NDUFAF2: variants seen among roughly 807,000 people sequenced by gnomAD.
NDUFAF2 encodes the protein NADH dehydrogenase [ubiquinone] 1 alpha subcomplex assembly factor 2.
In NDUFAF2, 13 loss-of-function variants were observed where a neutral mutation model predicts 22.8. That is an observed-to-expected ratio of 0.57 (90% CI 0.37 to 0.91). The LOEUF (loss-of-function observed/expected upper bound fraction) is 0.91. Ranked by LOEUF, NDUFAF2 falls within the 40% of genes least tolerant of loss-of-function variation. The pLI, the probability that NDUFAF2 is intolerant of heterozygous loss-of-function variation, is 0.01. For missense variants in NDUFAF2, 162 were observed against 195.2 expected (o/e 0.83, Z 1.01); for synonymous variants, 53 against 64.2 (o/e 0.83, Z 0.84).
At chr5:60,999,693 A>T (rs1218243266) in intron 1 of NDUFAF2, among the ~76,000 whole-genome samples, 3 of 152,138 alleles carry the variant, frequency 2.0e-5, no homozygotes, top group Admixed American at 2.0e-4. Flanking sequence ...AAAATGGTAA[A>T]TTTTATGTTA....
chr5:60,960,870 C>T (rs534226568), intron 1 of NDUFAF2, among the ~76,000 whole-genome samples: 36 of 152,142 alleles, frequency 2.4e-4, no homozygotes, highest in African/African-American at 8.2e-4. Context: ...TGTGTTTACA[C>T]TTTTTTTCCC....
chr5:61,021,966 G>A (rs1006515109), intron 1 of NDUFAF2, among the ~76,000 whole-genome samples: 1 of 152,180 alleles, frequency 6.6e-6, no homozygotes, highest in African/African-American at 2.4e-5. Flanking sequence ...AAGATATTAT[G>A]TTGGCAAAAT....
chr5:61,002,590 C>G (rs1469155887), intron 1 of NDUFAF2, among the ~76,000 whole-genome samples: 1 of 152,150 alleles, frequency 6.6e-6, no homozygotes, highest in Admixed American at 6.6e-5. Context: ...TGCCTATTTT[C>G]CCTTTCAGAA....
chr5:60,999,313 C>T (rs1258863200), intron 1 of NDUFAF2, among the ~76,000 whole-genome samples: 1 of 151,974 alleles, frequency 6.6e-6, no homozygotes, highest in African/African-American at 2.4e-5. Context: ...AAAAAACAAC[C>T]CAATCATCTA....
chr5:61,031,188 G>A (rs1271632545), intron 1 of NDUFAF2, among the ~76,000 whole-genome samples: 2 of 151,846 alleles, frequency 1.3e-5, no homozygotes, highest in African/African-American at 2.4e-5. Context: ...ATTATACTTT[G>A]AGTTTTGGGA....
intron 1 of NDUFAF2, among the ~76,000 whole-genome samples, chr5:61,048,533 C>G (rs1273914110): frequency 6.6e-6 from 1 of 151,954 alleles, no homozygotes; most frequent in Non-Finnish European, 1.5e-5. Context: ...AGTAAATTTG[C>G]CTAAGGTTGG....
At chr5:61,122,051 A>C in intron 3 of NDUFAF2, among the ~76,000 whole-genome samples, 1 of 151,998 alleles carries the variant, frequency 6.6e-6, no homozygotes, top group Non-Finnish European at 1.5e-5. Context: ...GCTGGTCTCA[A>C]ACTCCTGGCC....
chr5:60,960,010 G>A (rs78179005), intron 1 of NDUFAF2, among the ~76,000 whole-genome samples: 10 of 152,210 alleles, frequency 6.6e-5, no homozygotes, highest in South Asian at 6.2e-4. Flanking sequence ...GTTCACAGTC[G>A]TACCTGTCAG....
chr5:61,118,387 TCTAC>T (rs1242980095), intron 3 of NDUFAF2, among the ~76,000 whole-genome samples: 1 of 152,218 alleles, frequency 6.6e-6, no homozygotes, highest in Admixed American at 6.5e-5. Context: ...AGTTTCTCTG[TCTAC>T]CTAGCTAGCT....
chr5:60,996,824 G>C (rs1751234775), intron 1 of NDUFAF2, among the ~76,000 whole-genome samples: 1 of 152,130 alleles, frequency 6.6e-6, no homozygotes, highest in Non-Finnish European at 1.5e-5. Context: ...ACTGAGTTCT[G>C]TGCCTTACAA....
chr5:61,125,115 T>C (rs746336546), intron 3 of NDUFAF2, among the ~76,000 whole-genome samples: 55 of 152,058 alleles, frequency 3.6e-4, no homozygotes, highest in African/African-American at 1.3e-3. Flanking sequence ...AGGATTACAA[T>C]TGAACATCAG....
rs931862999 is a variant in NDUFAF2 at position 60,983,993 on chromosome 5, T to C, written c.127+38611T>C. Among the ~76,000 whole-genome samples, 191 of 152,288 alleles carry C rather than the reference T, an allele frequency of 1.3e-3. 1 individual carries two copies. Among genetic ancestry groups the C allele is most frequent in the Non-Finnish European group, 2.1e-3 (142 of 68,022 alleles). On this transcript the variant is annotated intron_variant, in intron 1 of 3. Transcript: ENST00000296597. ...TGAATCTATAAATTACCTTGGGCAG[T>C]ATGGCCATTTTCACGATACTGATTC...
At chr5:60,967,792 C>T (rs1019657325) in intron 1 of NDUFAF2, among the ~76,000 whole-genome samples, 1 of 150,610 alleles carries the variant, frequency 6.6e-6, no homozygotes, top group Non-Finnish European at 1.5e-5. Flanking sequence ...GGAATATTGG[C>T]ATATAATTTT....
chr5:60,950,188 A>AT lies in NDUFAF2; in HGVS notation c.127+4816dup, dbSNP rs199824529. 1.1e-3 allele frequency among the ~76,000 whole-genome samples: 168 copies of AT among 148,214 alleles called. 1 individual carries two copies. The highest frequency in any genetic ancestry group is 2.8e-3 in the South Asian group (13 of 4,656). On this transcript the variant is annotated intron_variant, in intron 1 of 3. Transcript: ENST00000296597. ...TTAGAAGAAAAACATTTAATCTTTCATTTTTTTTTTCCCCAAAGGTGGAAT... is the reference window on the plus strand; with the variant it reads ...TTAGAAGAAAAACATTTAATCTTTCATTTTTTTTTTTCCCCAAAGGTGGAAT...
At chr5:61,067,319 C>T (rs1318874845) in intron 1 of NDUFAF2, among the ~76,000 whole-genome samples, 1 of 148,018 alleles carries the variant, frequency 6.8e-6, no homozygotes, top group African/African-American at 2.5e-5. Flanking sequence ...CTCCCCCTAC[C>T]CCACAACAGT....
chr5:61,039,060 A>T (rs2111676937), intron 1 of NDUFAF2, among the ~76,000 whole-genome samples: 1 of 150,208 alleles, frequency 6.7e-6, no homozygotes, highest in Admixed American at 6.7e-5. Context: ...TACTGAAAAT[A>T]TTCAGTGCTT....
chr5:61,081,568 T>C (rs999971122), intron 2 of NDUFAF2, among the ~76,000 whole-genome samples: 6 of 152,184 alleles, frequency 3.9e-5, no homozygotes, highest in Admixed American at 2.0e-4. Flanking sequence ...GGGCATAGAT[T>C]AGTCTTGAGA....
intron 1 of NDUFAF2, among the ~76,000 whole-genome samples, chr5:61,031,387 T>C (rs970589643): frequency 5.3e-5 from 8 of 152,252 alleles, no homozygotes; most frequent in Middle Eastern, 3.4e-3. Context: ...CTCTCACTTA[T>C]GAGTGAGAAT....
chr5:61,056,926 AT>A lies in NDUFAF2; in HGVS notation c.128-16198del, dbSNP rs1561553152. On this transcript the variant is annotated intron_variant, in intron 1 of 3. Transcript: ENST00000296597. ...AAAAAAAAAAAAAAAAAAAATATAT[AT>A]ATATATATATATATATATATATATA... 7.2e-4 allele frequency among the ~76,000 whole-genome samples: 22 copies of A among 30,686 alleles called. 2 individuals are homozygous for A. The highest frequency in any genetic ancestry group is 5.0e-3 in the East Asian group (1 of 200). 20.1% of individuals were successfully genotyped at this position (30,686 alleles called of 152,430 possible).
Sources: gnomAD v4.1 joint callset for allele counts (sites outside exome capture counted in the v4.1 genomes callset) on GRCh38, gnomAD v4.1.1 for gene constraint, MANE v1.5 for transcripts, NCBI Gene and HGNC (gene_info 2026-07-23, HGNC 2026-07-21) for gene names.